Variants in DLG2 observed in about 807,000 individuals in gnomAD.
DLG2 encodes discs large MAGUK scaffold protein 2.
A neutral mutation model predicts 132.5 loss-of-function variants in DLG2; 45 were observed. That is an observed-to-expected ratio of 0.34 (90% CI 0.27 to 0.44). The LOEUF (loss-of-function observed/expected upper bound fraction) is 0.44, where lower values mean the gene tolerates loss of function less well. Ranked by LOEUF, DLG2 falls within the 20% of genes least tolerant of loss-of-function variation. The pLI is 1.00. For missense variants in DLG2, 1,045 were observed against 1,196.9 expected (o/e 0.87, Z 1.87); for synonymous variants, 424 against 419.6 (o/e 1.01, Z -0.13).
chr11:85,369,259 C>T (rs1305579958), intron 3 of DLG2, among the ~76,000 whole-genome samples: 2 of 152,160 alleles, frequency 1.3e-5, no homozygotes, highest in East Asian at 3.9e-4. Context: ...GCCCAAGGGT[C>T]CCACACAGCT....
Position 83,827,155 on chromosome 11 carries a change from C to T in DLG2, c.1722+6459G>A, listed in dbSNP as rs147833269. ...CTGGCGGCTCATATGAGGACCACTT[C>T]AGGAAATCGAAGAAATAATTTTGGA... On this transcript the variant is annotated intron_variant, in intron 17 of 27. Coordinates refer to ENST00000376104, the MANE Select transcript of DLG2 (RefSeq NM_001142699.3). 2.6e-5 allele frequency among the ~76,000 whole-genome samples: 4 copies of T among 152,182 alleles called. No individual in the cohort carries two copies. The East Asian group carries it at 7.7e-4, about 29-fold the overall frequency.
chr11:84,712,228 T>G (rs1324452118), intron 6 of DLG2, among the ~76,000 whole-genome samples: 1 of 152,120 alleles, frequency 6.6e-6, no homozygotes, highest in Non-Finnish European at 1.5e-5. Flanking sequence ...TCCCTTTCTG[T>G]GAACATACTT....
intron 3 of DLG2, among the ~76,000 whole-genome samples, chr11:85,590,901 T>A (rs1055059108): frequency 6.6e-6 from 1 of 152,180 alleles, no homozygotes; most frequent in Non-Finnish European, 1.5e-5. Flanking sequence ...TATCTCACTA[T>A]ATAGGGAAAT....
chr11:84,761,937 G>A (rs2067683863), intron 6 of DLG2, among the ~76,000 whole-genome samples: 1 of 151,984 alleles, frequency 6.6e-6, no homozygotes, highest in South Asian at 2.1e-4. Context: ...TTATAAAAAT[G>A]TTTTCTTATT....
At position 83,521,844 on chromosome 11, in the gene DLG2, G is replaced by A. The variant is rs2095487932; in HGVS notation, c.2193+10864C>T. 1.3e-5 allele frequency among the ~76,000 whole-genome samples: 2 copies of A among 151,942 alleles called. 1 individual carries two copies. The highest frequency in any genetic ancestry group is 1.3e-4 in the Admixed American group (2 of 15,258). On this transcript the variant is annotated intron_variant, in intron 21 of 27. Coordinates refer to ENST00000376104, the MANE Select transcript of DLG2 (RefSeq NM_001142699.3). ...TGAGTCATCCCACCGTCCTTCCCTAGGTGTCTCCCTACTCCAGTCCCTCCC... is the reference window on the plus strand; with the variant it reads ...TGAGTCATCCCACCGTCCTTCCCTAAGTGTCTCCCTACTCCAGTCCCTCCC...
chr11:84,383,909 T>C (rs1225952634), intron 7 of DLG2, among the ~76,000 whole-genome samples: 7 of 151,998 alleles, frequency 4.6e-5, no homozygotes, highest in South Asian at 2.1e-4. Context: ...TTACGCAGCA[T>C]AGAAAATGAA....
intron 19 of DLG2, among the ~76,000 whole-genome samples, chr11:83,589,362 A>C (rs1235150941): frequency 6.8e-6 from 1 of 146,176 alleles, no homozygotes; most frequent in Non-Finnish European, 1.5e-5. Flanking sequence ...AAGAATTTTC[A>C]ACCCAGAATT....
intron 9 of DLG2, among the ~76,000 whole-genome samples, chr11:84,150,017 A>G (rs922309768): frequency 1.3e-5 from 2 of 152,122 alleles, no homozygotes; most frequent in African/African-American, 4.8e-5. Flanking sequence ...TAGCCTCCCA[A>G]ACTGCTGGGG....
chr11:83,927,693 A>AT (rs1037943792), intron 15 of DLG2, among the ~76,000 whole-genome samples: 10 of 152,138 alleles, frequency 6.6e-5, no homozygotes, highest in Non-Finnish European at 1.0e-4. Context: ...TCTGATCTGT[A>AT]TTTTTTACAG....
chr11:83,682,175 G>A (rs1255454916), intron 18 of DLG2: 20 of 985,234 alleles, frequency 2.0e-5, no homozygotes, highest in Non-Finnish European at 2.4e-5. Context: ...AAAATTATTG[G>A]AACAAAGCAG....
chr11:85,556,421 C>T (rs1421877646), intron 3 of DLG2, among the ~76,000 whole-genome samples: 2 of 151,714 alleles, frequency 1.3e-5, no homozygotes, highest in African/African-American at 4.8e-5. Flanking sequence ...TATAACTTTC[C>T]TTGGACATAC....
intron 6 of DLG2, among the ~76,000 whole-genome samples, chr11:84,651,927 G>T (rs2099682517): frequency 3.3e-5 from 5 of 152,074 alleles, no homozygotes; most frequent in Admixed American, 3.3e-4. Context: ...ATAATGAAGT[G>T]GTCAGAATTA....
At chr11:85,405,804 A>C (rs921053322) in intron 3 of DLG2, among the ~76,000 whole-genome samples, 1 of 151,984 alleles carries the variant, frequency 6.6e-6, no homozygotes, top group Non-Finnish European at 1.5e-5. Context: ...CTATAAAGAG[A>C]GGTGAAAGAA....
intron 6 of DLG2, among the ~76,000 whole-genome samples, chr11:85,074,311 C>T (rs765302485): frequency 2.6e-5 from 4 of 151,888 alleles, no homozygotes; most frequent in Non-Finnish European, 5.9e-5. Flanking sequence ...TTCTCAGACA[C>T]ACTTTCACCA....
intron 6 of DLG2, among the ~76,000 whole-genome samples, chr11:84,844,508 C>T (rs2081225936): frequency 6.6e-6 from 1 of 151,908 alleles, no homozygotes; most frequent in Non-Finnish European, 1.5e-5. Context: ...TCTATCTCTA[C>T]CTCTTCCTCA....
At chr11:84,988,642 G>A (rs2056763646) in intron 6 of DLG2, among the ~76,000 whole-genome samples, 1 of 152,138 alleles carries the variant, frequency 6.6e-6, no homozygotes, top group African/African-American at 2.4e-5. Flanking sequence ...AACATCGTAT[G>A]CTCGCTCATA....
chr11:85,431,663 T>G (rs750542115), intron 3 of DLG2, among the ~76,000 whole-genome samples: 6 of 152,208 alleles, frequency 3.9e-5, no homozygotes, highest in Non-Finnish European at 5.9e-5. Context: ...CAAACTCTGA[T>G]TTCCCAGAGC....
chr11:84,196,922 A>G (rs2096526550), intron 8 of DLG2, among the ~76,000 whole-genome samples: 1 of 151,764 alleles, frequency 6.6e-6, no homozygotes, highest in South Asian at 2.1e-4. Flanking sequence ...CTGTAATCCC[A>G]GCTACAAGGG....
Position 84,206,103 on chromosome 11 carries a change from C to T in DLG2, c.574-42592G>A, listed in dbSNP as rs189780858. The stretch of plus-strand genomic sequence containing the variant: ...TAGATGAAATACTGTAATATTTCAT[C>T]TAAGTTGCAGTTTCTTTGGCATAGA... On this transcript the variant is annotated intron_variant, in intron 8 of 27. Coordinates refer to ENST00000376104, the MANE Select transcript of DLG2 (RefSeq NM_001142699.3). Among the ~76,000 whole-genome samples the T allele has an allele frequency of 6.3e-3, 958 of 152,114 alleles. 6 individuals are homozygous for T. The highest frequency in any genetic ancestry group is 0.01 in the Non-Finnish European group (694 of 67,916).
Sources: gnomAD v4.1 joint callset for allele counts (sites outside exome capture counted in the v4.1 genomes callset) on GRCh38, gnomAD v4.1.1 for gene constraint, MANE v1.5 for transcripts, NCBI Gene and HGNC (gene_info 2026-07-23, HGNC 2026-07-21) for gene names.